AGBL4: variants seen among roughly 807,000 people sequenced by gnomAD.
AGBL4 encodes the protein AGBL carboxypeptidase 4.
In AGBL4, 58 loss-of-function variants were observed where a neutral mutation model predicts 66.4. The ratio of observed to expected loss-of-function variants is 0.87; its 90% CI spans 0.71 to 1.09. The LOEUF is 1.09. Among genes scored for constraint, AGBL4 ranks in the 50% least tolerant of loss-of-function variants. AGBL4 has a pLI of 0.00. For synonymous variants in AGBL4, 234 were observed against 222.9 expected, an observed-to-expected ratio of 1.05 and a Z score of -0.44; for missense variants, 579 against 631.0, an observed-to-expected ratio of 0.92 and a Z score of 0.88.
chr1:49,692,795 T>C (rs1646915304), intron 3 of AGBL4, among the ~76,000 whole-genome samples: 1 of 152,086 alleles, frequency 6.6e-6, no homozygotes, highest in Non-Finnish European at 1.5e-5. Context: ...AAAGTGTGTA[T>C]GTGTGCATGT....
intron 6 of AGBL4, among the ~76,000 whole-genome samples, chr1:48,858,262 C>T (rs1647229895): frequency 6.6e-6 from 1 of 152,168 alleles, no homozygotes; most frequent in South Asian, 2.1e-4. Context: ...TTTTGTCAAG[C>T]AGTTTGGCAG....
At chr1:48,663,508 G>A (rs1570173694) in intron 6 of AGBL4, among the ~76,000 whole-genome samples, 1 of 152,176 alleles carries the variant, frequency 6.6e-6, no homozygotes, top group East Asian at 1.9e-4. Flanking sequence ...GAAGCCATAT[G>A]AGTGAATTTG....
intron 3 of AGBL4, among the ~76,000 whole-genome samples, chr1:49,590,040 A>C (rs944169567): frequency 6.6e-6 from 1 of 152,110 alleles, no homozygotes; most frequent in Non-Finnish European, 1.5e-5. Context: ...TCCATATGAA[A>C]GTCACATAAA....
At chr1:49,350,489 C>G (rs574098960) in intron 3 of AGBL4, among the ~76,000 whole-genome samples, 1 of 152,292 alleles carries the variant, frequency 6.6e-6, no homozygotes, top group East Asian at 1.9e-4. Context: ...AGGCGTGAGC[C>G]ACCGCGCCCG....
intron 4 of AGBL4, among the ~76,000 whole-genome samples, chr1:49,132,849 G>C (rs1645927235): frequency 1.3e-5 from 2 of 152,106 alleles, no homozygotes. Context: ...CAAAGATCTA[G>C]AACCAGAAAT....
At chr1:48,846,301 TAGATAGATAGAC>T (rs1331371996) in intron 6 of AGBL4, among the ~76,000 whole-genome samples, 1 of 146,214 alleles carries the variant, frequency 6.8e-6, no homozygotes, top group African/African-American at 2.6e-5. Flanking sequence ...GTAAGATAGA[TAGATAGATAGAC>T]AGATAGATAG....
At chr1:48,807,600 A>T (rs1404733425) in intron 6 of AGBL4, among the ~76,000 whole-genome samples, 2 of 152,148 alleles carry the variant, frequency 1.3e-5, no homozygotes, top group Non-Finnish European at 2.9e-5. Context: ...TCAGCGTGTG[A>T]TCTGCTCTTC....
At chr1:49,983,540 T>C (rs1659252158) in intron 1 of AGBL4, among the ~76,000 whole-genome samples, 1 of 152,242 alleles carries the variant, frequency 6.6e-6, no homozygotes, top group Non-Finnish European at 1.5e-5. Flanking sequence ...CCAGGTGAAG[T>C]GGCCAGTGGC....
chr1:49,656,498 T>A (rs922812264), intron 3 of AGBL4, among the ~76,000 whole-genome samples: 1 of 152,098 alleles, frequency 6.6e-6, no homozygotes, highest in African/African-American at 2.4e-5. Context: ...ACTCCCTAAC[T>A]CATTTTATGA....
At chr1:48,711,442 T>C (rs1646965801) in intron 6 of AGBL4, among the ~76,000 whole-genome samples, 2 of 152,188 alleles carry the variant, frequency 1.3e-5, no homozygotes, top group South Asian at 4.1e-4. Flanking sequence ...TAACCTTTGG[T>C]GTTAAATGTG....
chr1:48,910,949 AG>A (rs1197356382), intron 5 of AGBL4, among the ~76,000 whole-genome samples: 1 of 152,184 alleles, frequency 6.6e-6, no homozygotes, highest in African/African-American at 2.4e-5. Context: ...ATTAAAGTGA[AG>A]GCTGAATAAG....
intron 3 of AGBL4, among the ~76,000 whole-genome samples, chr1:49,496,241 T>C: frequency 2.0e-5 from 3 of 151,984 alleles, no homozygotes. Flanking sequence ...GGAGTCTTTT[T>C]TTTCAATTAT....
At chr1:48,834,370 G>A (rs1646628050) in intron 6 of AGBL4, among the ~76,000 whole-genome samples, 1 of 152,120 alleles carries the variant, frequency 6.6e-6, no homozygotes, top group African/African-American at 2.4e-5. Context: ...AGAGAACGAT[G>A]TGAATATTGG....
At chr1:50,010,520 CA>C (rs562574911) in intron 1 of AGBL4, among the ~76,000 whole-genome samples, 23 of 149,384 alleles carry the variant, frequency 1.5e-4, no homozygotes, top group Non-Finnish European at 2.8e-4. Flanking sequence ...TATCCTAAAG[CA>C]AAAAAACAAA....
intron 1 of AGBL4, among the ~76,000 whole-genome samples, chr1:49,943,887 C>A (rs879290823): frequency 6.6e-6 from 1 of 152,076 alleles, no homozygotes; most frequent in East Asian, 1.9e-4. Flanking sequence ...TAGCCTAGGG[C>A]AAGTTCTCGG....
intron 1 of AGBL4, among the ~76,000 whole-genome samples, chr1:49,954,133 A>G (rs1187145493): frequency 6.6e-6 from 1 of 151,860 alleles, no homozygotes; most frequent in East Asian, 1.9e-4. Context: ...GGCCTCAAGC[A>G]ATCTCTCTGT....
intron 4 of AGBL4, among the ~76,000 whole-genome samples, chr1:49,158,855 A>G (rs1167304360): frequency 6.6e-5 from 10 of 151,266 alleles, no homozygotes; most frequent in Admixed American, 6.6e-4. Context: ...TTGTTGGTTT[A>G]AAGTCTGTTT....
intron 5 of AGBL4, among the ~76,000 whole-genome samples, chr1:49,015,980 A>T (rs1367218987): frequency 6.6e-6 from 1 of 152,180 alleles, no homozygotes; most frequent in Non-Finnish European, 1.5e-5. Context: ...TTCAAGCCTC[A>T]GCCTCAGTTT....
chr1:49,174,607 C>T (rs1646797533), intron 4 of AGBL4, among the ~76,000 whole-genome samples: 1 of 152,020 alleles, frequency 6.6e-6, no homozygotes, highest in African/African-American at 2.4e-5. Flanking sequence ...GTATATTCCA[C>T]TGTGCTCCTC....
Sources: gnomAD v4.1 joint callset for allele counts (sites outside exome capture counted in the v4.1 genomes callset) on GRCh38, gnomAD v4.1.1 for gene constraint, MANE v1.5 for transcripts, NCBI Gene and HGNC (gene_info 2026-07-23, HGNC 2026-07-21) for gene names.